The following MACROH2A1 variants were observed in gnomAD, a reference collection of about 807,000 sequenced individuals.
The protein encoded by MACROH2A1 is core histone macro-H2A.1.
Under a neutral mutation model 31.6 loss-of-function variants are expected in MACROH2A1, and 2 were observed. That is an observed-to-expected ratio of 0.06 (90% confidence interval 0.03 to 0.20). MACROH2A1 has a LOEUF of 0.20. Among genes scored for constraint, MACROH2A1 ranks in the 10% least tolerant of loss-of-function variants. MACROH2A1 has a pLI of 1.00. For synonymous variants in MACROH2A1, 169 were observed against 189.6 expected (o/e 0.89, Z 0.89); for missense variants, 230 against 474.0 (o/e 0.49, Z 4.78).
At position 135,369,458 on chromosome 5, in the gene MACROH2A1, T is replaced by C. The variant is rs1367546183; in HGVS notation, c.425A>G (p.Lys142Arg). ...TCCTGCTTTTTTAGATACAGGCTTC[T>C]TCTGGGATGGAGACTTGGCCTTTTT... is the stretch of plus-strand genomic sequence containing the variant. ...PAKKAKSPSQ[K>R]KPVSKKAGGK... Residue 142 changes from lysine (K) to arginine (R), a missense_variant, in exon 4 of 9, where the codon AAG becomes AGG. Lys to Arg is a conservative substitution (Grantham distance 26, BLOSUM62 2). Around this residue, in one of 2 missense-constraint regions of MACROH2A1, gnomAD observed 183 missense variants for 319.3 expected, o/e 0.57. Coordinates refer to ENST00000511689, the MANE Select transcript of MACROH2A1 (RefSeq NM_138610.3). This position sits in a 1 kb window ranked among gnomAD's most constrained non-coding sequence, Gnocchi z 4.3. 1 of 1,614,240 alleles carries C rather than the reference T, an allele frequency of 6.2e-7. No homozygotes were observed. Among genetic ancestry groups the C allele is most frequent in the Admixed American group, 1.7e-5 (1 of 60,030 alleles).
At chr5:135,373,336 G>A (rs753633368) in intron 2 of MACROH2A1, among the ~76,000 whole-genome samples, 20 of 152,128 alleles carry the variant, frequency 1.3e-4, no homozygotes, top group Non-Finnish European at 2.1e-4. Flanking sequence ...CTTGGGTGAG[G>A]GCAGGTAGTA....
At chr5:135,342,366 G>A (rs1760039276) in intron 8 of MACROH2A1, among the ~76,000 whole-genome samples, 2 of 152,190 alleles carry the variant, frequency 1.3e-5, no homozygotes, top group Admixed American at 1.3e-4. Context: ...ATCACTCACC[G>A]GGTTAGTGGC....
At chr5:135,359,075 T>C (rs1056553148) in intron 5 of MACROH2A1, 28 of 985,274 alleles carry the variant, frequency 2.8e-5, no homozygotes, top group Non-Finnish European at 3.4e-5. Context: ...TGCTGCTACT[T>C]TGGAAATATT....
intron 8 of MACROH2A1, among the ~76,000 whole-genome samples, chr5:135,336,398 C>T (rs528374428): frequency 6.6e-6 from 1 of 152,352 alleles, no homozygotes; most frequent in Non-Finnish European, 1.5e-5. Context: ...CTGGATGCCT[C>T]AGGAGTGGAG....
chr5:135,335,011 A>G lies in MACROH2A1; in HGVS notation c.1084T>C (p.Tyr362His). ...TCCAGCTTGGCCATTTCCTGCACAT[A>G]GATGCCTATACTCTCGCTGTCAAAA... ...VLFDSESIGI[Y>H]VQEMAKLDAN Residue 362 changes from tyrosine to histidine, a missense_variant, in exon 9 of 9, where the codon TAT (tyrosine) becomes CAT (histidine). Physicochemically the swap from Tyr to His is moderately conservative, Grantham distance 83 (BLOSUM62 2). Transcript: ENST00000511689. 1 of 1,614,008 alleles carries G rather than the reference A, an allele frequency of 6.2e-7. No homozygotes were observed. The highest frequency in any genetic ancestry group is 8.5e-7 in the Non-Finnish European group (1 of 1,179,912).
intron 8 of MACROH2A1, among the ~76,000 whole-genome samples, chr5:135,341,997 C>G (rs2149725541): frequency 6.6e-6 from 1 of 152,346 alleles, no homozygotes; most frequent in African/African-American, 2.4e-5. Context: ...CTGTCCAAAG[C>G]AAGCCACCTG....
chr5:135,365,821 C>G (rs1281901885), intron 4 of MACROH2A1, among the ~76,000 whole-genome samples: 1 of 152,196 alleles, frequency 6.6e-6, no homozygotes, highest in African/African-American at 2.4e-5. Flanking sequence ...GATCCACAAA[C>G]AATGACAGTT....
chr5:135,357,789 A>T, intron 5 of MACROH2A1: 1 of 981,986 alleles, frequency 1.0e-6, no homozygotes. Context: ...GGGCAAAATC[A>T]GAGAGTAATG....
Position 135,334,970 on chromosome 5 carries a change from C to G in MACROH2A1, c.*6G>C, listed in dbSNP as rs1192107532. Reference sequence around the variant, plus strand: ...CATGGTGCAGCTGGTTCTGTCATTGCTCAGCCTAGTTGGCGTCCAGCTTGG... The same window carrying G: ...CATGGTGCAGCTGGTTCTGTCATTGGTCAGCCTAGTTGGCGTCCAGCTTGG... On this transcript the variant is annotated 3_prime_UTR_variant, in exon 9 of 9. Coordinates refer to ENST00000511689, the MANE Select transcript of MACROH2A1 (RefSeq NM_138610.3). The G allele has an allele frequency of 6.2e-7, 1 of 1,611,902 alleles. No homozygotes were observed. The highest frequency in any genetic ancestry group is 1.3e-5 in the African/African-American group (1 of 74,868).
At chr5:135,362,207 T>C (rs995246110) in intron 4 of MACROH2A1, 1 of 152,338 alleles carries the variant, frequency 6.6e-6, no homozygotes, top group Admixed American at 6.5e-5. Flanking sequence ...TAACAGCTGA[T>C]AGATCTTCAG....
chr5:135,380,308 C>T (rs1765487890), intron 2 of MACROH2A1, among the ~76,000 whole-genome samples: 2 of 152,182 alleles, frequency 1.3e-5, no homozygotes, highest in African/African-American at 4.8e-5. Context: ...CCCTACAAAT[C>T]TGTGGAAATC....
chr5:135,338,894 C>G (rs1052773997), intron 8 of MACROH2A1, among the ~76,000 whole-genome samples: 1 of 152,200 alleles, frequency 6.6e-6, no homozygotes, highest in Non-Finnish European at 1.5e-5. Flanking sequence ...GTTAACCTCT[C>G]TAAGCATTAA....
intron 2 of MACROH2A1, 37 bp from the exon 3 acceptor site, chr5:135,370,179 A>G: frequency 7.3e-7 from 1 of 1,367,944 alleles, no homozygotes. Context: ...GTCATGTTAG[A>G]GGACCATGTG....
rs886806787 is a variant in MACROH2A1 at position 135,360,761 on chromosome 5, C to G, written c.478-154G>C. 1.3e-5 allele frequency: 9 copies of G among 703,844 alleles called. No homozygotes were observed. In the Middle Eastern group the frequency reaches 9.1e-4, roughly 71 times the overall value. 43.6% of individuals were successfully genotyped at this position (703,844 alleles called of 1,614,324 possible). ...GTTTCTCCAAGGGGGAGCTCAGACTCATTTTGAGGTACAAGAGTTCTGTGG... is the reference window on the plus strand; with the variant it reads ...GTTTCTCCAAGGGGGAGCTCAGACTGATTTTGAGGTACAAGAGTTCTGTGG... On this transcript the variant is annotated intron_variant, in intron 4 of 8. Transcript: ENST00000511689.
At chr5:135,386,603 A>C (rs1766439358) in intron 2 of MACROH2A1, among the ~76,000 whole-genome samples, 1 of 152,076 alleles carries the variant, frequency 6.6e-6, no homozygotes, top group African/African-American at 2.4e-5. Context: ...ACACACCCAC[A>C]ATAGCTGGGG....
At chr5:135,336,884 G>A (rs148587793) in intron 8 of MACROH2A1, among the ~76,000 whole-genome samples, 13 of 152,156 alleles carry the variant, frequency 8.5e-5, no homozygotes, top group Non-Finnish European at 1.3e-4. Flanking sequence ...TTCCATTTTT[G>A]GGGGGCATCT....
chr5:135,345,939 A>C (rs1466152697), intron 7 of MACROH2A1, 29 bp downstream of exon 7: 3 of 1,467,654 alleles, frequency 2.0e-6, no homozygotes, highest in Non-Finnish European at 2.9e-6. Context: ...TGTCACAACC[A>C]GATAAGCACG....
intron 2 of MACROH2A1, among the ~76,000 whole-genome samples, chr5:135,383,876 G>C (rs139505825): frequency 1.3e-5 from 2 of 152,106 alleles, no homozygotes; most frequent in Non-Finnish European, 2.9e-5. Flanking sequence ...GGCCTGAAGC[G>C]TCAGTTAGTC....
At chr5:135,373,545 T>C (rs1027730178) in intron 2 of MACROH2A1, among the ~76,000 whole-genome samples, 5 of 152,166 alleles carry the variant, frequency 3.3e-5, no homozygotes, top group African/African-American at 1.2e-4. Context: ...TGCTTATGTT[T>C]TGCTATTCAA....
Sources: gnomAD v4.1 joint callset for allele counts (sites outside exome capture counted in the v4.1 genomes callset) on GRCh38, gnomAD v4.1.1 for gene constraint, gnomAD v4.1.1 regional missense constraint, Gnocchi (gnomAD v3.1) non-coding constraint, MANE v1.5 for transcripts, NCBI Gene and HGNC (gene_info 2026-07-23, HGNC 2026-07-21) for gene names.